The following ENTREP2 variants were observed in gnomAD, a reference collection of about 807,000 sequenced individuals.
The protein encoded by ENTREP2 is endosomal transmembrane epsin interactor 2, also known as protein ENTREP2.
chr15:29,249,842 C>T, the ENTREP2 span, among the ~76,000 whole-genome samples: 1 of 152,028 alleles, frequency 6.6e-6, no homozygotes, highest in African/African-American at 2.4e-5. Flanking sequence ...CTTCAGGAAA[C>T]TTACAATCAT....
chr15:29,619,657 G>A, the ENTREP2 span, among the ~76,000 whole-genome samples: 4 of 151,968 alleles, frequency 2.6e-5, no homozygotes, highest in Non-Finnish European at 5.9e-5. Flanking sequence ...TGGACAAATG[G>A]AACTCTGACT....
the ENTREP2 span, among the ~76,000 whole-genome samples, chr15:29,597,764 G>C: frequency 6.6e-6 from 1 of 152,194 alleles, no homozygotes; most frequent in South Asian, 2.1e-4. Context: ...TTTATGTAGG[G>C]ACATACGCTT....
At chr15:29,665,636 A>G in the ENTREP2 span, among the ~76,000 whole-genome samples, 8 of 152,258 alleles carry the variant, frequency 5.3e-5, no homozygotes, top group African/African-American at 1.9e-4. Context: ...TTCTTCCTGA[A>G]CAGCATGCCA....
chr15:29,392,264 TA>T, the ENTREP2 span, among the ~76,000 whole-genome samples: 3 of 152,150 alleles, frequency 2.0e-5, no homozygotes, highest in Non-Finnish European at 2.9e-5. Context: ...GCCCGGCCTG[TA>T]ATAGTTTTAT....
At chr15:29,386,545 T>G in the ENTREP2 span, among the ~76,000 whole-genome samples, 2 of 152,072 alleles carry the variant, frequency 1.3e-5, no homozygotes, top group Non-Finnish European at 2.9e-5. Flanking sequence ...AGCTGCAAAG[T>G]TTATGGTCAT....
the ENTREP2 span, among the ~76,000 whole-genome samples, chr15:29,607,553 G>T: frequency 5.9e-5 from 9 of 152,104 alleles, no homozygotes; most frequent in East Asian, 1.7e-3. Context: ...TGTCTATCAT[G>T]TACTTAATGT....
chr15:29,296,604 A>G, the ENTREP2 span, among the ~76,000 whole-genome samples: 1 of 152,226 alleles, frequency 6.6e-6, no homozygotes, highest in Admixed American at 6.5e-5. Context: ...TTTAAATTAA[A>G]CATTACATAT....
the ENTREP2 span, among the ~76,000 whole-genome samples, chr15:29,636,562 T>C: frequency 2.0e-5 from 3 of 152,210 alleles, no homozygotes; most frequent in African/African-American, 7.2e-5. Flanking sequence ...ACAGCAATAT[T>C]ATGCCAGTAG....
chr15:29,407,159 A>T, the ENTREP2 span, among the ~76,000 whole-genome samples: 1 of 152,186 alleles, frequency 6.6e-6, no homozygotes, highest in Admixed American at 6.5e-5. Context: ...CTACATACCT[A>T]GGCTGTATGG....
the ENTREP2 span, among the ~76,000 whole-genome samples, chr15:29,388,431 C>T: frequency 6.6e-6 from 1 of 152,186 alleles, no homozygotes; most frequent in African/African-American, 2.4e-5. Flanking sequence ...CATCTCACAC[C>T]AGTTAGAATG....
At chr15:29,414,324 T>C in the ENTREP2 span, among the ~76,000 whole-genome samples, 1 of 152,040 alleles carries the variant, frequency 6.6e-6, no homozygotes, top group Non-Finnish European at 1.5e-5. Flanking sequence ...GCAATCAAAC[T>C]AGAACTCAGG....
the ENTREP2 span, among the ~76,000 whole-genome samples, chr15:29,624,300 C>T: frequency 5.3e-5 from 8 of 151,426 alleles, no homozygotes; most frequent in Non-Finnish European, 8.9e-5. Context: ...CTCTTTCCTT[C>T]TGTCTCCCAA....
At chr15:29,674,434 T>C in the ENTREP2 span, among the ~76,000 whole-genome samples, 2 of 151,996 alleles carry the variant, frequency 1.3e-5, no homozygotes, top group Non-Finnish European at 2.9e-5. Flanking sequence ...CATGCCCAGC[T>C]AATTTTTGTA....
the ENTREP2 span, among the ~76,000 whole-genome samples, chr15:29,657,105 T>A: frequency 6.0e-4 from 91 of 152,254 alleles, no homozygotes; most frequent in East Asian, 0.017. Flanking sequence ...CAGAGGGCAG[T>A]GGCGCGGTCT....
chr15:29,144,764 G>T, the ENTREP2 span, among the ~76,000 whole-genome samples: 1 of 151,934 alleles, frequency 6.6e-6, no homozygotes, highest in East Asian at 1.9e-4. Context: ...ATTTAGCCGG[G>T]TGTGGTGGCT....
chr15:29,603,240 G>A, the ENTREP2 span, among the ~76,000 whole-genome samples: 1 of 152,148 alleles, frequency 6.6e-6, no homozygotes, highest in African/African-American at 2.4e-5. Context: ...TTCCAGAGAG[G>A]TCAAGATGTC....
At chr15:29,154,376 G>A in the ENTREP2 span, among the ~76,000 whole-genome samples, 5 of 151,892 alleles carry the variant, frequency 3.3e-5, no homozygotes, top group African/African-American at 9.7e-5. Flanking sequence ...TGCTCTTAGA[G>A]GGTAAACTTG....
At chr15:29,531,188 T>C in the ENTREP2 span, among the ~76,000 whole-genome samples, 10 of 152,318 alleles carry the variant, frequency 6.6e-5, no homozygotes, top group African/African-American at 2.2e-4. Flanking sequence ...AAATCCTTTA[T>C]GCGTGACAGT....
chr15:29,380,998 C>T, the ENTREP2 span, among the ~76,000 whole-genome samples: 1 of 151,646 alleles, frequency 6.6e-6, no homozygotes, highest in Non-Finnish European at 1.5e-5. Flanking sequence ...ATTACAGACA[C>T]CCGCCAACAT....
Sources: allele counts gnomAD v4.1 joint callset (sites outside exome capture counted in the v4.1 genomes callset), GRCh38; gene constraint gnomAD v4.1.1; transcripts MANE v1.5; gene names NCBI Gene and HGNC (gene_info 2026-07-23, HGNC 2026-07-21).